Variants in CCDC186 observed in about 807,000 individuals in gnomAD.
CCDC186 encodes coiled-coil domain-containing protein 186.
A neutral mutation model predicts 113.7 loss-of-function variants in CCDC186; 49 were observed. The observed-to-expected ratio is 0.43, with a 90% CI of 0.34 to 0.55. The LOEUF is 0.55. CCDC186 is among the 20% of genes least tolerant of loss of function. The pLI is 0.02. For missense variants in CCDC186, 890 were observed against 1,011.1 expected, an observed-to-expected ratio of 0.88 and a Z score of 1.62; for synonymous variants, 355 against 345.8, an observed-to-expected ratio of 1.03 and a Z score of -0.30.
intron 5 of CCDC186, 99 bp from the exon 6 acceptor site, chr10:114,144,715 T>G: frequency 9.2e-7 from 1 of 1,088,492 alleles, no homozygotes. Flanking sequence ...AACACTATAA[T>G]CAAGGGCTGG....
At chr10:114,145,484 T>C in intron 5 of CCDC186, 65 bp downstream of exon 5, 5 of 1,318,848 alleles carry the variant, frequency 3.8e-6, no homozygotes, top group Non-Finnish European at 5.1e-6. Flanking sequence ...TTTGATTAAA[T>C]ATGGAAAAGC....
intron 3 of CCDC186, among the ~76,000 whole-genome samples, chr10:114,155,069 G>C (rs957285486): frequency 3.9e-5 from 6 of 152,150 alleles, no homozygotes; most frequent in Non-Finnish European, 8.8e-5. Flanking sequence ...GTTCCCTAGG[G>C]CAGGGTTGAG....
chr10:114,137,954 T>C (rs752432995), intron 6 of CCDC186, among the ~76,000 whole-genome samples: 2 of 139,582 alleles, frequency 1.4e-5, no homozygotes, highest in Non-Finnish European at 3.0e-5. Flanking sequence ...GGAGAATCAC[T>C]TGAACCCAGG....
intron 6 of CCDC186, among the ~76,000 whole-genome samples, chr10:114,137,985 C>G (rs539968077): frequency 8.1e-6 from 1 of 124,102 alleles, no homozygotes; most frequent in Non-Finnish European, 1.6e-5. Context: ...TGCGGTGAGC[C>G]GAAATTGCGC....
intron 10 of CCDC186, 56 bp downstream of exon 10, chr10:114,134,857 G>A: frequency 6.5e-7 from 1 of 1,538,242 alleles, no homozygotes; most frequent in Non-Finnish European, 8.7e-7. Flanking sequence ...AGAAAATCTT[G>A]AAATAAAATT....
intron 4 of CCDC186, among the ~76,000 whole-genome samples, chr10:114,147,165 A>C (rs1253670731): frequency 6.6e-6 from 1 of 152,214 alleles, no homozygotes; most frequent in African/African-American, 2.4e-5. Flanking sequence ...CTCAATGTCA[A>C]CTTTAAGAGA....
chr10:114,136,487 CA>C (rs2031266455), intron 7 of CCDC186, among the ~76,000 whole-genome samples: 1 of 152,180 alleles, frequency 6.6e-6, no homozygotes, highest in African/African-American at 2.4e-5. Flanking sequence ...GCGCTGGCAG[CA>C]AGCTGCACTT....
At chr10:114,164,835 G>C (rs1159679972) in intron 1 of CCDC186, among the ~76,000 whole-genome samples, 1 of 152,220 alleles carries the variant, frequency 6.6e-6, no homozygotes, top group African/African-American at 2.4e-5. Flanking sequence ...AAAAGAGAGA[G>C]AGAAGACTGG....
Position 114,149,786 on chromosome 10 carries a change from CAGGAAGGA to C in CCDC186, c.888+1298_888+1305del, listed in dbSNP as rs879496767. ...GAAGGAAGGAAGGAAGGCAGGAAGG[CAGGAAGGA>C]AGGAAGGAAGGAAGGAAGGAAGGCA... On this transcript the variant is annotated intron_variant, in intron 4 of 15. Transcript: ENST00000369287. 3.4e-3 allele frequency among the ~76,000 whole-genome samples: 165 copies of C among 48,016 alleles called. 1 individual carries two copies. The highest frequency in any genetic ancestry group is 0.021 in the Middle Eastern group (2 of 96). The allele number at this position is 48,016 out of a possible 152,430, so 31.5% of individuals were successfully genotyped here.
intron 6 of CCDC186, among the ~76,000 whole-genome samples, chr10:114,140,487 G>C (rs2031432145): frequency 6.6e-6 from 1 of 152,212 alleles, no homozygotes; most frequent in Non-Finnish European, 1.5e-5. Flanking sequence ...TTAAGTTTAA[G>C]ATGCCTTAAG....
At chr10:114,173,851 G>T (rs1359260466) in intron 1 of CCDC186, among the ~76,000 whole-genome samples, 164 bp downstream of exon 1, 1 of 152,174 alleles carries the variant, frequency 6.6e-6, no homozygotes, top group African/African-American at 2.4e-5. Flanking sequence ...CTTCCTCCGC[G>T]CCCTCAAAGG....
rs2030835268 is a variant in CCDC186, at chr10:114,124,748, G to T, written c.*395C>A. ...GATGTTGGAGAAATAGCGTATTACT[G>T]AATGTTTACCACCTGTTTTCATGCA... On this transcript the variant is annotated 3_prime_UTR_variant, in exon 16 of 16. Coordinates refer to ENST00000369287, the MANE Select transcript of CCDC186 (RefSeq NM_018017.4). 1 of 159,410 alleles carries T rather than the reference G, an allele frequency of 6.3e-6. No homozygotes were observed. Among genetic ancestry groups the T allele is most frequent in the African/African-American group, 2.4e-5 (1 of 41,790 alleles). 9.9% of individuals were successfully genotyped at this position (159,410 alleles called of 1,614,324 possible).
chr10:114,160,254 A>G (rs569935935), intron 2 of CCDC186, among the ~76,000 whole-genome samples: 235 of 151,392 alleles, frequency 1.6e-3, no homozygotes, highest in Non-Finnish European at 2.6e-3. Flanking sequence ...TGTGTGACAC[A>G]GCACAACTCC....
At chr10:114,153,599 A>T (rs775096091) in intron 3 of CCDC186, among the ~76,000 whole-genome samples, 16 of 151,798 alleles carry the variant, frequency 1.1e-4, no homozygotes, top group Non-Finnish European at 2.4e-4. Flanking sequence ...CAGCCTGGCC[A>T]ACACTGTGAA....
intron 4 of CCDC186, among the ~76,000 whole-genome samples, chr10:114,146,626 T>G (rs2031648516): frequency 6.6e-6 from 1 of 152,272 alleles, no homozygotes; most frequent in Non-Finnish European, 1.5e-5. Flanking sequence ...CTCCATATTC[T>G]GAAATTTCAC....
chr10:114,159,041 G>C (rs1168391250), intron 2 of CCDC186, among the ~76,000 whole-genome samples: 3 of 152,222 alleles, frequency 2.0e-5, no homozygotes, highest in South Asian at 2.1e-4. Flanking sequence ...AAAAGCCAGA[G>C]AGTGACTTGA....
intron 10 of CCDC186, among the ~76,000 whole-genome samples, chr10:114,134,142 G>T (rs2031182318): frequency 6.6e-6 from 1 of 152,294 alleles, no homozygotes; most frequent in South Asian, 2.1e-4. Flanking sequence ...CAGTTCATGG[G>T]ACTGATGGCA....
chr10:114,128,527 T>C (rs1221129514), intron 13 of CCDC186, among the ~76,000 whole-genome samples: 1 of 152,192 alleles, frequency 6.6e-6, no homozygotes, highest in African/African-American at 2.4e-5. Flanking sequence ...AAGCAAGGAC[T>C]GTGGAGTCAA....
intron 3 of CCDC186, among the ~76,000 whole-genome samples, chr10:114,152,192 A>C (rs891783940): frequency 6.6e-6 from 1 of 152,106 alleles, no homozygotes; most frequent in African/African-American, 2.4e-5. Flanking sequence ...AATTTTAAAA[A>C]TTAGCTGGGC....
Sources: gnomAD v4.1 joint callset for allele counts (sites outside exome capture counted in the v4.1 genomes callset) on GRCh38, gnomAD v4.1.1 for gene constraint, MANE v1.5 for transcripts, NCBI Gene and HGNC (gene_info 2026-07-23, HGNC 2026-07-21) for gene names.